The following DAPK1 variants were observed in gnomAD, a reference collection of about 807,000 sequenced individuals.
DAPK1 encodes death-associated protein kinase 1.
Under a neutral mutation model 144.9 loss-of-function variants are expected in DAPK1, and 56 were observed. The ratio of observed to expected loss-of-function variants is 0.39; its 90% CI spans 0.31 to 0.48. The LOEUF (loss-of-function observed/expected upper bound fraction) is 0.48. Among genes scored for constraint, DAPK1 ranks in the 20% least tolerant of loss-of-function variants. The probability of loss-of-function intolerance (pLI) is 0.95; values close to 1 mark genes in which losing one functional copy is unlikely to be tolerated. For missense variants in DAPK1, 1,454 were observed against 1,875.4 expected (o/e 0.78, Z 4.15); for synonymous variants, 690 against 749.0 (o/e 0.92, Z 1.29).
intron 2 of DAPK1, among the ~76,000 whole-genome samples, chr9:87,576,162 A>ACGTGCACACACG (rs1827548932): frequency 6.6e-6 from 1 of 152,216 alleles, no homozygotes; most frequent in African/African-American, 2.4e-5. Context: ...ACGTACACAC[A>ACGTGCACACACG]CGTGCACACA....
At chr9:87,592,623 T>C (rs1828177997) in intron 2 of DAPK1, among the ~76,000 whole-genome samples, 1 of 152,172 alleles carries the variant, frequency 6.6e-6, no homozygotes, top group African/African-American at 2.4e-5. Flanking sequence ...CTCTTTACTG[T>C]CCTGGCCGTG....
At chr9:87,674,970 A>G (rs1016399996) in intron 19 of DAPK1, among the ~76,000 whole-genome samples, 17 of 152,246 alleles carry the variant, frequency 1.1e-4, no homozygotes, top group Non-Finnish European at 2.2e-4. Context: ...GTCTACTGTA[A>G]GAGCTGTTCT....
At chr9:87,595,288 GTTGTGACTCTGTTTACCTACTT>G (rs1828274377) in intron 2 of DAPK1, among the ~76,000 whole-genome samples, 1 of 152,178 alleles carries the variant, frequency 6.6e-6, no homozygotes, top group African/African-American at 2.4e-5. Context: ...AGAGCACCCT[GTTGTGACTCTGTTTACCTACTT>G]TTGCTTAAAC....
chr9:87,549,973 G>C (rs373596217), intron 2 of DAPK1, among the ~76,000 whole-genome samples: 1 of 152,056 alleles, frequency 6.6e-6, no homozygotes, highest in South Asian at 2.1e-4. Context: ...TTAAGGCTTC[G>C]TCATGCGTGT....
chr9:87,500,555 AAG>A lies in DAPK1; in HGVS notation c.62+1422_62+1423del, dbSNP rs1174812830. Reference sequence around the variant, plus strand: ...GCCTGATCGTTTAAGTGTTGTTAGAAAGAGAGATGACTAAAATTAGTTGAGAT... The same window carrying A: ...GCCTGATCGTTTAAGTGTTGTTAGAAAGAGATGACTAAAATTAGTTGAGAT... On this transcript the variant is annotated intron_variant, in intron 2 of 25. Transcript: ENST00000408954. Among the ~76,000 whole-genome samples the A allele has an allele frequency of 1.4e-4, 21 of 152,282 alleles. No individual in the cohort carries two copies. In the Middle Eastern group the frequency reaches 0.014, roughly 99 times the overall value.
At chr9:87,639,268 T>TC (rs1830008212) in intron 4 of DAPK1, 86 bp from the exon 5 acceptor site, 1 of 1,267,424 alleles carries the variant, frequency 7.9e-7, no homozygotes, top group African/African-American at 1.5e-5. Context: ...GCCTTTTTTT[T>TC]TTTTTTGGAG....
chr9:87,566,170 G>A (rs866857332), intron 2 of DAPK1, among the ~76,000 whole-genome samples: 2 of 151,900 alleles, frequency 1.3e-5, no homozygotes, highest in African/African-American at 4.8e-5. Context: ...ACAGTCGCCC[G>A]CCACCATGCC....
Position 87,662,571 on chromosome 9 carries a change from T to TTTGTTG in DAPK1, c.1923+4446_1923+4447insGTTGTT, listed in dbSNP as rs1564056389. On this transcript the variant is annotated intron_variant, in intron 18 of 25. Coordinates refer to ENST00000408954, the MANE Select transcript of DAPK1 (RefSeq NM_004938.4). ...TAAATATATTCCTAGTTTTTTTTTT[T>TTTGTTG]TTTTTTTTTTTTTTGGTAGCTATTG... Among the ~76,000 whole-genome samples, 23 of 121,354 alleles carry TTTGTTG rather than the reference T, an allele frequency of 1.9e-4. 1 individual carries two copies. Among genetic ancestry groups the TTTGTTG allele is most frequent in the Middle Eastern group, 4.2e-3 (1 of 240 alleles). 79.6% of individuals were successfully genotyped at this position (121,354 alleles called of 152,430 possible).
chr9:87,661,659 G>A (rs1830851874), intron 18 of DAPK1, among the ~76,000 whole-genome samples: 1 of 152,132 alleles, frequency 6.6e-6, no homozygotes, highest in South Asian at 2.1e-4. Context: ...CCACTTTTAA[G>A]TGGGATTATT....
At chr9:87,647,642 C>T (rs551793016) in intron 14 of DAPK1, among the ~76,000 whole-genome samples, 4 of 152,208 alleles carry the variant, frequency 2.6e-5, no homozygotes, top group South Asian at 4.2e-4. Flanking sequence ...AATTATAATC[C>T]CCATAACATA....
At chr9:87,623,134 C>T (rs764614815) in intron 3 of DAPK1, among the ~76,000 whole-genome samples, 9 of 152,140 alleles carry the variant, frequency 5.9e-5, no homozygotes, top group Non-Finnish European at 1.3e-4. Flanking sequence ...ATGACTTCCA[C>T]CTTCTTAACA....
intron 2 of DAPK1, among the ~76,000 whole-genome samples, chr9:87,513,584 G>A (rs1824934495): frequency 6.6e-6 from 1 of 152,208 alleles, no homozygotes. Flanking sequence ...GCAGCTGGAG[G>A]TAGGTATTGT....
chr9:87,541,830 A>G (rs953819348), intron 2 of DAPK1, among the ~76,000 whole-genome samples: 4 of 152,176 alleles, frequency 2.6e-5, no homozygotes, highest in African/African-American at 7.2e-5. Context: ...AATGTGATGC[A>G]TGTTTTCCTG....
At chr9:87,577,005 T>C (rs1827586344) in intron 2 of DAPK1, among the ~76,000 whole-genome samples, 1 of 152,210 alleles carries the variant, frequency 6.6e-6, no homozygotes. Context: ...TAAATGGGCA[T>C]TTCCTTTCTC....
At chr9:87,554,459 A>AT (rs201503050) in intron 2 of DAPK1, 2 of 147,572 alleles carry the variant, frequency 1.4e-5, no homozygotes, top group Non-Finnish European at 3.0e-5. Context: ...AAAAAAAAAA[A>AT]GTCTTTACTT....
intron 2 of DAPK1, among the ~76,000 whole-genome samples, chr9:87,575,270 ATAAAG>A (rs1249879926): frequency 1.5e-5 from 2 of 136,970 alleles, no homozygotes; most frequent in South Asian, 2.4e-4. Context: ...ATAAAATAAA[ATAAAG>A]GTAAAAGGCA....
At chr9:87,567,290 C>T (rs1361896593) in intron 2 of DAPK1, among the ~76,000 whole-genome samples, 1 of 152,064 alleles carries the variant, frequency 6.6e-6, no homozygotes, top group African/African-American at 2.4e-5. Flanking sequence ...GCTGTCTCCT[C>T]GACTCAGCTG....
intron 3 of DAPK1, chr9:87,633,196 T>C (rs1829773944): frequency 1.0e-6 from 1 of 983,194 alleles, no homozygotes; most frequent in Non-Finnish European, 1.2e-6. Flanking sequence ...AGTATATATG[T>C]AGGGATGAAG....
intron 3 of DAPK1, among the ~76,000 whole-genome samples, chr9:87,630,169 G>C (rs1587787699): frequency 6.6e-6 from 1 of 152,106 alleles, no homozygotes; most frequent in African/African-American, 2.4e-5. Context: ...CAACCCATAA[G>C]ATAATTGTCA....
Sources: gnomAD v4.1 joint callset for allele counts (sites outside exome capture counted in the v4.1 genomes callset) on GRCh38, gnomAD v4.1.1 for gene constraint, MANE v1.5 for transcripts, NCBI Gene and HGNC (gene_info 2026-07-23, HGNC 2026-07-21) for gene names.